SLC2A13: variants seen among roughly 807,000 people sequenced by gnomAD.
The protein encoded by SLC2A13 is solute carrier family 2 member 13, also known as proton myo-inositol cotransporter.
In SLC2A13, 32 loss-of-function variants were observed where a neutral mutation model predicts 64.4. The observed-to-expected ratio is 0.50, with a 90% CI of 0.37 to 0.67. SLC2A13 has a LOEUF of 0.67. Ranked by LOEUF, SLC2A13 falls within the 30% of genes least tolerant of loss-of-function variation. SLC2A13 has a pLI of 0.00. For synonymous variants in SLC2A13, 338 were observed against 327.1 expected, an observed-to-expected ratio of 1.03 and a Z score of -0.36; for missense variants, 743 against 829.2, an observed-to-expected ratio of 0.90 and a Z score of 1.28.
intron 6 of SLC2A13, among the ~76,000 whole-genome samples, chr12:39,839,374 T>C (rs113322082): frequency 1.4e-3 from 212 of 151,968 alleles, no homozygotes; most frequent in South Asian, 8.3e-3. Flanking sequence ...TAAAAAAAAA[T>C]CTTAGACACG....
In SLC2A13 at chr12:39,844,944, T is replaced by A. The variant is rs565387465; in HGVS notation, c.1320-14716A>T. ...CAATTGAATTTAAGAGACTATGCAG[T>A]TTTTAATATGGACTAATGGAAATTC... On this transcript the variant is annotated intron_variant, in intron 6 of 9. Transcript: ENST00000280871. 4.4e-4 allele frequency among the ~76,000 whole-genome samples: 67 copies of A among 152,114 alleles called. 1 individual carries two copies. Among genetic ancestry groups the A allele is most frequent in the African/African-American group, 1.6e-3 (66 of 41,562 alleles).
chr12:39,803,248 A>G (rs996963105), intron 7 of SLC2A13, among the ~76,000 whole-genome samples: 1 of 152,062 alleles, frequency 6.6e-6, no homozygotes, highest in Admixed American at 6.5e-5. Flanking sequence ...AGCTCTCAAC[A>G]GAGGCTGCAC....
At chr12:39,789,502 A>G (rs1384538025) in intron 7 of SLC2A13, among the ~76,000 whole-genome samples, 1 of 152,178 alleles carries the variant, frequency 6.6e-6, no homozygotes, top group Non-Finnish European at 1.5e-5. Flanking sequence ...TGCTATGCAC[A>G]TATTTTTAAC....
intron 7 of SLC2A13, among the ~76,000 whole-genome samples, chr12:39,812,068 G>C (rs1013792215): frequency 2.6e-5 from 4 of 152,088 alleles, no homozygotes; most frequent in Non-Finnish European, 5.9e-5. Context: ...AGACTGGATG[G>C]CTCTTACACA....
chr12:40,057,345 C>CT (rs1467790516), intron 1 of SLC2A13, among the ~76,000 whole-genome samples: 2 of 151,900 alleles, frequency 1.3e-5, no homozygotes, highest in African/African-American at 4.8e-5. Context: ...TGGAAACATC[C>CT]TATACAATTT....
At chr12:39,772,510 T>C (rs530081250) in intron 7 of SLC2A13, among the ~76,000 whole-genome samples, 3 of 152,064 alleles carry the variant, frequency 2.0e-5, no homozygotes, top group Non-Finnish European at 4.4e-5. Context: ...TGTTTAATTG[T>C]GAGTAGAAAA....
At chr12:39,863,867 T>A (rs1333928635) in intron 6 of SLC2A13, among the ~76,000 whole-genome samples, 1 of 152,176 alleles carries the variant, frequency 6.6e-6, no homozygotes, top group Non-Finnish European at 1.5e-5. Context: ...GAATACCAAG[T>A]GGAGTTTAGG....
intron 4 of SLC2A13, among the ~76,000 whole-genome samples, chr12:39,887,538 CT>C (rs1944498963): frequency 6.6e-6 from 1 of 152,198 alleles, no homozygotes; most frequent in African/African-American, 2.4e-5. Context: ...GCCCTCACTC[CT>C]TGTGTGTATC....
chr12:39,760,128 T>C lies in SLC2A13; in HGVS notation c.1845A>G (p.Thr615=), dbSNP rs1385278446. 1.9e-6 allele frequency: 3 copies of C among 1,613,018 alleles called. No individual in the cohort carries two copies. The highest frequency in any genetic ancestry group is 3.3e-5 in the Admixed American group (2 of 59,816). Residue 615 remains threonine, a synonymous_variant, in exon 10 of 10, where the codon ACA becomes ACG. Coordinates refer to ENST00000280871, the MANE Select transcript of SLC2A13 (RefSeq NM_052885.4). ...CTTCATCAGAATCTGAAGTGCCACA[T>C]GTACATAGCCTGTTGTCAAAGAGTG... ...IESLFDNRLC[T]CGTSDSDEGR...
intron 4 of SLC2A13, among the ~76,000 whole-genome samples, chr12:39,931,950 C>G (rs1050121757): frequency 2.0e-5 from 3 of 152,018 alleles, no homozygotes; most frequent in Non-Finnish European, 4.4e-5. Flanking sequence ...GAGGCCCATT[C>G]AAGACCTTTA....
At chr12:39,769,928 A>G (rs1940501090) in intron 7 of SLC2A13, among the ~76,000 whole-genome samples, 1 of 152,084 alleles carries the variant, frequency 6.6e-6, no homozygotes, top group Non-Finnish European at 1.5e-5. Context: ...AAAGTCATCA[A>G]TTAGCTCCTA....
chr12:39,995,565 A>T lies in SLC2A13; in HGVS notation c.925+32736T>A, dbSNP rs28370819. 2.1e-3 allele frequency among the ~76,000 whole-genome samples: 313 copies of T among 152,366 alleles called. 5 individuals carry two copies. In the East Asian group the frequency reaches 0.049, roughly 24 times the overall value. The stretch of plus-strand genomic sequence containing the variant: ...TCCAGATTTTTAAGAGTAAAAAAGC[A>T]TATCAAACTATTAAAGATATAAAAG... On this transcript the variant is annotated intron_variant, in intron 3 of 9. Coordinates refer to ENST00000280871, the MANE Select transcript of SLC2A13 (RefSeq NM_052885.4).
chr12:40,072,560 G>C (rs1412789762), intron 1 of SLC2A13, among the ~76,000 whole-genome samples: 1 of 151,976 alleles, frequency 6.6e-6, no homozygotes. Context: ...TTGAGAATTT[G>C]GTCACTCTGT....
At chr12:39,991,284 T>C (rs1316420764) in intron 3 of SLC2A13, among the ~76,000 whole-genome samples, 1 of 152,160 alleles carries the variant, frequency 6.6e-6, no homozygotes, top group African/African-American at 2.4e-5. Context: ...TTAAAGCTTT[T>C]TCCTTCATCT....
intron 3 of SLC2A13, among the ~76,000 whole-genome samples, chr12:39,979,087 T>C (rs375343409): frequency 1.8e-4 from 28 of 151,664 alleles, no homozygotes; most frequent in East Asian, 7.8e-4. Flanking sequence ...TGGCAGGGTA[T>C]TCCAACAGAC....
intron 4 of SLC2A13, among the ~76,000 whole-genome samples, chr12:39,924,339 A>G (rs1447854473): frequency 6.6e-6 from 1 of 152,162 alleles, no homozygotes; most frequent in African/African-American, 2.4e-5. Flanking sequence ...GCAAGCTAGG[A>G]GGACTTCACC....
chr12:40,075,045 T>G (rs1938117168), intron 1 of SLC2A13, among the ~76,000 whole-genome samples: 1 of 152,200 alleles, frequency 6.6e-6, no homozygotes, highest in African/African-American at 2.4e-5. Context: ...TAATTTTTTC[T>G]GAAGCAGACC....
chr12:40,000,303 C>A lies in SLC2A13; in HGVS notation c.925+27998G>T, dbSNP rs28365678. Among the ~76,000 whole-genome samples the A allele has an allele frequency of 4.8e-5, 7 of 146,672 alleles. No homozygotes were observed. In the East Asian group the frequency reaches 1.4e-3, roughly 29 times the overall value. On this transcript the variant is annotated intron_variant, in intron 3 of 9. Transcript: ENST00000280871. The stretch of plus-strand genomic sequence containing the variant: ...AAACCATTAGCTCTACATTAAAAAA[C>A]AACAACAACAGCAACAAAACCCAAA...
chr12:39,894,527 T>C (rs1286100587), intron 4 of SLC2A13, among the ~76,000 whole-genome samples: 1 of 152,238 alleles, frequency 6.6e-6, no homozygotes, highest in Non-Finnish European at 1.5e-5. Flanking sequence ...GTCCTCCTGC[T>C]GAATTGATTT....
Sources: allele counts gnomAD v4.1 joint callset (sites outside exome capture counted in the v4.1 genomes callset), GRCh38; gene constraint gnomAD v4.1.1; transcripts MANE v1.5; gene names NCBI Gene and HGNC (gene_info 2026-07-23, HGNC 2026-07-21).